ADAMTS9: variants seen among roughly 807,000 people sequenced by gnomAD.
The protein encoded by ADAMTS9 is ADAM metallopeptidase with thrombospondin type 1 motif 9, also known as A disintegrin and metalloproteinase with thrombospondin motifs 9.
A neutral mutation model predicts 257.1 loss-of-function variants in ADAMTS9; 107 were observed. That is an observed-to-expected ratio of 0.42 (90% CI 0.36 to 0.49). The LOEUF (loss-of-function observed/expected upper bound fraction) is 0.49. Among genes scored for constraint, ADAMTS9 ranks in the 20% least tolerant of loss-of-function variants. The pLI is 0.03. For missense variants in ADAMTS9, 2,353 were observed against 2,469.1 expected, an observed-to-expected ratio of 0.95 and a Z score of 1.00; for synonymous variants, 982 against 880.9, an observed-to-expected ratio of 1.11 and a Z score of -2.03.
intron 37 of ADAMTS9, among the ~76,000 whole-genome samples, chr3:64,537,927 C>G (rs1167414220): frequency 6.6e-6 from 1 of 152,154 alleles, no homozygotes; most frequent in Non-Finnish European, 1.5e-5. Context: ...CAAAATGTTT[C>G]AAAAGACAAG....
At chr3:64,641,818 G>T in intron 12 of ADAMTS9, 30 bp downstream of exon 12, 1 of 1,610,798 alleles carries the variant, frequency 6.2e-7, no homozygotes, top group Non-Finnish European at 8.5e-7. Flanking sequence ...TGCCACGGCA[G>T]TAATAACAGT....
At chr3:64,563,214 T>C (rs901774070) in intron 29 of ADAMTS9, 10 of 152,170 alleles carry the variant, frequency 6.6e-5, no homozygotes, top group African/African-American at 2.4e-4. Context: ...ACATGAATAA[T>C]ATTTCCCATT....
At chr3:64,561,368 T>A in intron 30 of ADAMTS9, 4 of 334,924 alleles carry the variant, frequency 1.2e-5, no homozygotes, top group African/African-American at 2.2e-5. Flanking sequence ...CACTCAGGAA[T>A]ACAGACAGAC....
chr3:64,590,239 C>T (rs2084235981), intron 28 of ADAMTS9, among the ~76,000 whole-genome samples: 1 of 152,094 alleles, frequency 6.6e-6, no homozygotes, highest in African/African-American at 2.4e-5. Context: ...AAAATACATA[C>T]TTGAAGCTGT....
chr3:64,568,614 G>C, intron 28 of ADAMTS9, 79 bp from the exon 29 acceptor site: 1 of 1,520,668 alleles, frequency 6.6e-7, no homozygotes, highest in South Asian at 1.2e-5. Flanking sequence ...GTCTTGAGAT[G>C]TTAAGACAAT....
At chr3:64,548,593 A>G (rs1223694877) in intron 31 of ADAMTS9, among the ~76,000 whole-genome samples, 4 of 80,062 alleles carry the variant, frequency 5.0e-5, no homozygotes, top group African/African-American at 8.2e-5. Flanking sequence ...CTGGCTATTT[A>G]TGTGGGGGGG....
At chr3:64,534,792 G>A (rs2083027624) in intron 37 of ADAMTS9, among the ~76,000 whole-genome samples, 1 of 152,134 alleles carries the variant, frequency 6.6e-6, no homozygotes, top group East Asian at 1.9e-4. Context: ...GGCAGGGAAT[G>A]GTGCTGCTGT....
intron 16 of ADAMTS9, among the ~76,000 whole-genome samples, chr3:64,629,233 C>G (rs1700305317): frequency 6.6e-6 from 1 of 152,174 alleles, no homozygotes; most frequent in Non-Finnish European, 1.5e-5. Flanking sequence ...CTGTCCTGTA[C>G]ACACTTCCCC....
In ADAMTS9 at chr3:64,597,030, C is replaced by T. The variant is rs759709530; in HGVS notation, c.4018-39G>A. On this transcript the variant is annotated intron_variant, in intron 26 of 39. Coordinates refer to ENST00000498707, the MANE Select transcript of ADAMTS9 (RefSeq NM_182920.2). ...TCGACAAGTTAATCCCCACCTCAAT[C>T]TCCATCTTAGGGACACAGAAGCAGC... 5 of 1,610,306 alleles carry T rather than the reference C, an allele frequency of 3.1e-6. No homozygotes were observed. The African/African-American group carries it at 6.7e-5, about 22-fold the overall frequency.
At chr3:64,658,899 C>A (rs1004516518) in intron 3 of ADAMTS9, 108 bp from the exon 4 acceptor site, 3 of 1,203,256 alleles carry the variant, frequency 2.5e-6, no homozygotes, top group Non-Finnish European at 2.3e-6. Context: ...AAACTACATA[C>A]AAAAACAAGT....
chr3:64,666,396 C>T (rs1417055351), intron 3 of ADAMTS9, among the ~76,000 whole-genome samples: 1 of 152,204 alleles, frequency 6.6e-6, no homozygotes, highest in Non-Finnish European at 1.5e-5. Flanking sequence ...AGGCGCTGGG[C>T]TACCTTGTGA....
chr3:64,562,330 C>T (rs2083442081), intron 29 of ADAMTS9, among the ~76,000 whole-genome samples: 1 of 152,166 alleles, frequency 6.6e-6, no homozygotes, highest in South Asian at 2.1e-4. Flanking sequence ...TGTCTATTTA[C>T]AACCTCAGAT....
intron 3 of ADAMTS9, among the ~76,000 whole-genome samples, chr3:64,664,200 A>G (rs1701289256): frequency 6.6e-6 from 1 of 152,160 alleles, no homozygotes; most frequent in African/African-American, 2.4e-5. Flanking sequence ...AAGCACTGAA[A>G]AAATGGTCTG....
At chr3:64,608,667 T>C (rs1198919763) in intron 22 of ADAMTS9, among the ~76,000 whole-genome samples, 1 of 152,102 alleles carries the variant, frequency 6.6e-6, no homozygotes, top group African/African-American at 2.4e-5. Flanking sequence ...TCAAAAAGTT[T>C]GTACCAGTTC....
chr3:64,662,636 T>G (rs1701252528), intron 3 of ADAMTS9, among the ~76,000 whole-genome samples: 1 of 152,176 alleles, frequency 6.6e-6, no homozygotes, highest in Non-Finnish European at 1.5e-5. Context: ...AATTGACTTT[T>G]TTATCATTAT....
chr3:64,570,770 A>G (rs2083664701), intron 28 of ADAMTS9, among the ~76,000 whole-genome samples: 1 of 146,378 alleles, frequency 6.8e-6, no homozygotes, highest in African/African-American at 2.5e-5. Flanking sequence ...TAGGGTGGAG[A>G]GGAAAGGGCA....
intron 3 of ADAMTS9, among the ~76,000 whole-genome samples, chr3:64,675,737 C>T (rs937383913): frequency 5.3e-5 from 8 of 152,176 alleles, no homozygotes; most frequent in Non-Finnish European, 1.0e-4. Flanking sequence ...CTCAGACTCT[C>T]TTCTTCCTGG....
At chr3:64,520,214 A>G (rs572608052) in intron 39 of ADAMTS9, among the ~76,000 whole-genome samples, 2 of 152,288 alleles carry the variant, frequency 1.3e-5, no homozygotes, top group South Asian at 4.1e-4. Context: ...AAAGAATAAA[A>G]TACCTAGGAA....
intron 30 of ADAMTS9, among the ~76,000 whole-genome samples, chr3:64,560,860 C>T (rs575185553): frequency 6.6e-6 from 1 of 152,162 alleles, no homozygotes; most frequent in Non-Finnish European, 1.5e-5. Flanking sequence ...TATTGTTTTG[C>T]TTTCTAATTC....
Sources: gnomAD v4.1 joint callset for allele counts (sites outside exome capture counted in the v4.1 genomes callset) on GRCh38, gnomAD v4.1.1 for gene constraint, MANE v1.5 for transcripts, NCBI Gene and HGNC (gene_info 2026-07-23, HGNC 2026-07-21) for gene names.